The following COL21A1 variants were observed in gnomAD, a reference collection of about 807,000 sequenced individuals.
COL21A1 encodes collagen alpha-1(XXI) chain.
In COL21A1, 149 loss-of-function variants were observed where a neutral mutation model predicts 137.9. That is an observed-to-expected ratio of 1.08 (90% CI 0.95 to 1.24). The LOEUF is 1.24. COL21A1 is among the 50% of genes most tolerant of loss of function. The pLI is 0.00. For missense variants in COL21A1, 1,167 were observed against 1,158.4 expected, an observed-to-expected ratio of 1.01 and a Z score of -0.11; for synonymous variants, 456 against 391.5, an observed-to-expected ratio of 1.16 and a Z score of -1.95.
intron 1 of COL21A1, among the ~76,000 whole-genome samples, chr6:56,326,686 A>C (rs1366060442): frequency 6.6e-6 from 1 of 152,036 alleles, no homozygotes; most frequent in African/African-American, 2.4e-5. Flanking sequence ...ATTCTTCAAA[A>C]CATTAATTTT....
chr6:56,059,968 TA>T lies in COL21A1; in HGVS notation c.2608+49del, dbSNP rs755012989. The stretch of plus-strand genomic sequence containing the variant: ...TAAATGGATATAGGGTATGAATTTT[TA>T]AAAAAAGACTTTTTAAAATTCATTT... On this transcript the variant is annotated intron_variant, in intron 28 of 29. Transcript: ENST00000244728. The T allele has an allele frequency of 4.8e-6, 7 of 1,451,514 alleles. No homozygotes were observed. In the East Asian group the frequency reaches 9.5e-5, roughly 20 times the overall value. 89.9% of individuals were successfully genotyped at this position (1,451,514 alleles called of 1,614,324 possible).
At chr6:56,060,562 TAA>T (rs1379184328) in intron 27 of COL21A1, 177 bp downstream of exon 27, 5 of 507,008 alleles carry the variant, frequency 9.9e-6, no homozygotes, top group Non-Finnish European at 1.7e-5. Context: ...AAAAAGATTA[TAA>T]AAGAGTATAT....
intron 17 of COL21A1, among the ~76,000 whole-genome samples, chr6:56,080,535 G>A (rs1767661635): frequency 6.6e-6 from 1 of 151,728 alleles, no homozygotes; most frequent in Non-Finnish European, 1.5e-5. Context: ...ATGTGTCTAT[G>A]ACAATATTAC....
At chr6:56,316,476 A>AATTT (rs776151498) in intron 1 of COL21A1, among the ~76,000 whole-genome samples, 1 of 30,358 alleles carries the variant, frequency 3.3e-5, no homozygotes, top group Non-Finnish European at 8.1e-5. Flanking sequence ...TTCTAAATAG[A>AATTT]CTTTTTTTTT....
chr6:56,287,390 T>C (rs531056264), intron 1 of COL21A1, among the ~76,000 whole-genome samples: 1 of 152,298 alleles, frequency 6.6e-6, no homozygotes, highest in Admixed American at 6.5e-5. Context: ...TGTTGAATTG[T>C]AATCCTTAGT....
intron 2 of COL21A1, among the ~76,000 whole-genome samples, chr6:56,181,733 A>T (rs1777909163): frequency 2.0e-5 from 3 of 152,180 alleles, no homozygotes; most frequent in Admixed American, 2.0e-4. Context: ...AAGGAATGGG[A>T]CTGAAGAGCA....
intron 1 of COL21A1, among the ~76,000 whole-genome samples, chr6:56,368,094 A>C (rs879726472): frequency 1.3e-5 from 2 of 152,222 alleles, no homozygotes; most frequent in Admixed American, 1.3e-4. Flanking sequence ...GTGAAAAAAA[A>C]TTTTAACCTT....
intron 1 of COL21A1, among the ~76,000 whole-genome samples, chr6:56,351,699 G>A (rs538298674): frequency 1.3e-5 from 2 of 152,348 alleles, no homozygotes; most frequent in African/African-American, 4.8e-5. Context: ...GGTGGCCAGA[G>A]GCAGGCCTCT....
chr6:56,301,413 T>A (rs1291681169), intron 1 of COL21A1, among the ~76,000 whole-genome samples: 1 of 152,160 alleles, frequency 6.6e-6, no homozygotes, highest in Non-Finnish European at 1.5e-5. Flanking sequence ...CCTCCAGACA[T>A]GAATACATTT....
rs67453245 is a variant in COL21A1 at position 56,158,266 on chromosome 6, C to CTTTT, written c.1372-1321_1372-1318dup. On this transcript the variant is annotated intron_variant, in intron 9 of 29. Transcript: ENST00000244728. ...CGTGGGTTTTTTCTTTTTTTTTTTT[C>CTTTT]TTTTTTTTTTTTTTTTTTTTTTCTG... Among the ~76,000 whole-genome samples the CTTTT allele has an allele frequency of 1.2e-3, 77 of 62,408 alleles. 1 individual carries two copies. Among genetic ancestry groups the CTTTT allele is most frequent in the East Asian group, 2.7e-3 (5 of 1,836 alleles). The allele number at this position is 62,408 out of a possible 152,430, so 40.9% of individuals were successfully genotyped here.
intron 10 of COL21A1, among the ~76,000 whole-genome samples, chr6:56,146,627 A>G (rs1774856315): frequency 6.6e-6 from 1 of 152,106 alleles, no homozygotes; most frequent in Non-Finnish European, 1.5e-5. Flanking sequence ...CTAAGAGACA[A>G]GGGAATACTA....
chr6:56,133,398 G>T (rs970617382), intron 12 of COL21A1, among the ~76,000 whole-genome samples: 1 of 152,150 alleles, frequency 6.6e-6, no homozygotes, highest in Non-Finnish European at 1.5e-5. Flanking sequence ...TTTCTAAGGA[G>T]CAAGGCATTC....
chr6:56,272,083 G>C (rs1168178036), intron 1 of COL21A1, among the ~76,000 whole-genome samples: 1 of 152,126 alleles, frequency 6.6e-6, no homozygotes, highest in Admixed American at 6.5e-5. Flanking sequence ...CTGCCTACTG[G>C]AGCTGTGAGA....
intron 1 of COL21A1, among the ~76,000 whole-genome samples, chr6:56,203,188 A>T (rs183190154): frequency 1.8e-4 from 27 of 152,262 alleles, no homozygotes; most frequent in African/African-American, 6.5e-4. Flanking sequence ...CAACTATCTA[A>T]CCTTCCAATT....
intron 1 of COL21A1, among the ~76,000 whole-genome samples, chr6:56,329,167 C>G (rs1231834428): frequency 6.6e-6 from 1 of 152,136 alleles, no homozygotes; most frequent in Non-Finnish European, 1.5e-5. Context: ...AAAATTACAG[C>G]TAGTATCACT....
At chr6:56,200,313 A>T (rs1014093199) in intron 1 of COL21A1, among the ~76,000 whole-genome samples, 10 of 152,066 alleles carry the variant, frequency 6.6e-5, no homozygotes, top group African/African-American at 2.4e-4. Context: ...TGCTTTTTTT[A>T]AATTATTATA....
At chr6:56,107,079 G>A (rs1393181736) in intron 16 of COL21A1, among the ~76,000 whole-genome samples, 2 of 152,110 alleles carry the variant, frequency 1.3e-5, no homozygotes, top group Admixed American at 6.5e-5. Flanking sequence ...GAGCCACCGC[G>A]CCCGGCCAAG....
At chr6:56,059,349 A>G in intron 28 of COL21A1, 107 bp from the exon 29 acceptor site, 1 of 662,338 alleles carries the variant, frequency 1.5e-6, no homozygotes, top group Non-Finnish European at 2.4e-6. Context: ...TCTTTTAAAA[A>G]CCAGCTTGCC....
chr6:56,163,166 A>T lies in COL21A1; in HGVS notation c.1371+1257T>A, dbSNP rs140112293. ...CTAATCAGAAAATTCAGTCTAAATG[A>T]ACATTACGATTCATATTTAACAAAA... On this transcript the variant is annotated intron_variant, in intron 9 of 29. Transcript: ENST00000244728. Among the ~76,000 whole-genome samples, 8 of 152,346 alleles carry T rather than the reference A, an allele frequency of 5.3e-5. No homozygotes were observed. In the East Asian group the frequency reaches 1.5e-3, roughly 29 times the overall value.
Sources: allele counts gnomAD v4.1 joint callset (sites outside exome capture counted in the v4.1 genomes callset), GRCh38; gene constraint gnomAD v4.1.1; transcripts MANE v1.5; gene names NCBI Gene and HGNC (gene_info 2026-07-23, HGNC 2026-07-21).